The following DLC1 variants were observed in gnomAD, a reference collection of about 807,000 sequenced individuals.
DLC1 encodes the protein DLC1 Rho GTPase activating protein.
In DLC1, 54 loss-of-function variants were observed where a neutral mutation model predicts 140.3. The ratio of observed to expected loss-of-function variants is 0.38; its 90% confidence interval spans 0.31 to 0.48. DLC1 has a LOEUF of 0.48. Among genes scored for constraint, DLC1 ranks in the 20% least tolerant of loss-of-function variants. The pLI, the probability that DLC1 is intolerant of heterozygous loss-of-function variation, is 0.96. For synonymous variants in DLC1, 986 were observed against 728.1 expected, an observed-to-expected ratio of 1.35 and a Z score of -5.70; for missense variants, 2,536 against 1,907.0, an observed-to-expected ratio of 1.33 and a Z score of -6.14.
At position 13,267,492 on chromosome 8, in the gene DLC1, C is replaced by G. The variant is rs1408777667; in HGVS notation, c.1348+37777G>C. Among the ~76,000 whole-genome samples the G allele has an allele frequency of 2.6e-5, 4 of 152,190 alleles. No individual in the cohort carries two copies. In the East Asian group the frequency reaches 5.8e-4, roughly 22 times the overall value. ...ATTAGAGATGATGGATCATGATAAA[C>G]TGAACCACACTGAATGCTGAGTCAG... On this transcript the variant is annotated intron_variant, in intron 5 of 17. Coordinates refer to ENST00000276297, the MANE Select transcript of DLC1 (RefSeq NM_182643.3).
chr8:13,499,579 C>T lies in DLC1; in HGVS notation c.493G>A (p.Gly165Arg), dbSNP rs1343321465. 1.9e-6 allele frequency: 3 copies of T among 1,613,988 alleles called. No homozygotes were observed. Among genetic ancestry groups the T allele is most frequent in the African/African-American group, 1.3e-5 (1 of 74,904 alleles). Reference protein sequence around the residue: ...QSNQVSSNSWGIAGETELALV... With the variant: ...QSNQVSSNSWRIAGETELALV... The stretch of plus-strand genomic sequence containing the variant: ...GCTAATTCAGTTTCACCAGCTATTC[C>T]CCAGGAGTTAGAAGAAACTTGGTTA... Residue 165 changes from glycine (G) to arginine (R), a missense_variant, in exon 2 of 18, where the codon GGA becomes AGA. Gly to Arg is a moderately radical substitution (Grantham distance 125, BLOSUM62 -2). Transcript: ENST00000276297.
intron 7 of DLC1, among the ~76,000 whole-genome samples, chr8:13,107,864 G>A (rs642691): frequency 0.1 from 15,937 of 151,974 alleles, 2,305 homozygotes; most frequent in African/African-American, 0.32. Flanking sequence ...CCAGTATGGT[G>A]AAACCCCATC....
At chr8:13,480,875 G>A (rs1206742634) in intron 2 of DLC1, among the ~76,000 whole-genome samples, 1 of 152,160 alleles carries the variant, frequency 6.6e-6, no homozygotes, top group African/African-American at 2.4e-5. Flanking sequence ...TTGCACTGCA[G>A]CCTGGGCAAC....
rs555406371 is a variant in DLC1 at position 13,306,283 on chromosome 8, A to G, written c.1315-981T>C. The stretch of plus-strand genomic sequence containing the variant: ...GGGTTCAGAATGAGATCTTTCCAAG[A>G]ACTTAAAGCTTAACTGTCTAGTTCT... On this transcript the variant is annotated intron_variant, in intron 4 of 17. Coordinates refer to ENST00000276297, the MANE Select transcript of DLC1 (RefSeq NM_182643.3). Among the ~76,000 whole-genome samples, 7 of 152,314 alleles carry G rather than the reference A, an allele frequency of 4.6e-5. No homozygotes were observed. The South Asian group carries it at 1.5e-3, about 32-fold the overall frequency.
chr8:13,254,678 C>G (rs111612174), intron 5 of DLC1, among the ~76,000 whole-genome samples: 1 of 119,846 alleles, frequency 8.3e-6, no homozygotes, highest in East Asian at 2.8e-4. Context: ...TAAAGAATGA[C>G]AGAAAGATCC....
intron 2 of DLC1, among the ~76,000 whole-genome samples, chr8:13,453,408 A>ATATATATATATATATATATATATGTGTG (rs1563359524): frequency 2.1e-4 from 11 of 52,324 alleles, no homozygotes; most frequent in Admixed American, 2.0e-3. Context: ...ATATGTGTAT[A>ATATATATATATATATATATATATGTGTG]TATATATATA....
intron 2 of DLC1, among the ~76,000 whole-genome samples, chr8:13,490,926 A>G (rs919398205): frequency 1.3e-5 from 2 of 150,704 alleles, no homozygotes; most frequent in Non-Finnish European, 3.0e-5. Context: ...TCCCAATAAT[A>G]TCTGGAACAA....
chr8:13,568,773 A>T (rs1191761319), intron 1 of DLC1, among the ~76,000 whole-genome samples: 1 of 152,262 alleles, frequency 6.6e-6, no homozygotes, highest in East Asian at 1.9e-4. Context: ...GTCTAACCAC[A>T]TCAATCAACA....
chr8:13,412,931 C>CAAAA (rs771025112), intron 2 of DLC1, among the ~76,000 whole-genome samples: 7 of 93,960 alleles, frequency 7.4e-5, no homozygotes, highest in Admixed American at 1.3e-4. Flanking sequence ...GACTCCATCT[C>CAAAA]AAAAAAAAAA....
intron 5 of DLC1, among the ~76,000 whole-genome samples, chr8:13,144,132 T>C (rs1446098879): frequency 6.6e-6 from 1 of 152,194 alleles, no homozygotes; most frequent in Non-Finnish European, 1.5e-5. Flanking sequence ...GAAAGATCTC[T>C]CACCCAATTT....
At chr8:13,403,869 G>C (rs912772654) in intron 2 of DLC1, among the ~76,000 whole-genome samples, 2 of 134,906 alleles carry the variant, frequency 1.5e-5, no homozygotes, top group African/African-American at 2.8e-5. Flanking sequence ...ATGTTGCCCA[G>C]GCTGGTCTCA....
intron 5 of DLC1, chr8:13,116,066 C>A (rs2410025): frequency 0.8 from 714,675 of 897,048 alleles, 291,085 homozygotes; most frequent in East Asian, 0.9. Flanking sequence ...ACCTCCACCA[C>A]CACGCTAAAA....
chr8:13,343,580 G>C (rs1309653284), intron 4 of DLC1, among the ~76,000 whole-genome samples: 1 of 152,180 alleles, frequency 6.6e-6, no homozygotes, highest in Non-Finnish European at 1.5e-5. Flanking sequence ...TTGTACAGCA[G>C]ATATTGTTGT....
intron 2 of DLC1, among the ~76,000 whole-genome samples, chr8:13,481,609 G>A (rs1563385269): frequency 6.6e-6 from 1 of 152,190 alleles, no homozygotes; most frequent in Non-Finnish European, 1.5e-5. Flanking sequence ...TAGAATGTAA[G>A]TTTCTGATAG....
intron 5 of DLC1, among the ~76,000 whole-genome samples, chr8:13,250,447 A>G (rs1829953068): frequency 6.6e-6 from 1 of 152,114 alleles, no homozygotes; most frequent in Admixed American, 6.6e-5. Flanking sequence ...AAATTTATAA[A>G]CCCTTAAAGG....
chr8:13,165,464 A>T (rs566795960), intron 5 of DLC1, among the ~76,000 whole-genome samples: 7 of 152,334 alleles, frequency 4.6e-5, no homozygotes, highest in African/African-American at 1.7e-4. Flanking sequence ...TGAGCTTCAC[A>T]TAAAGTGCTC....
chr8:13,473,480 C>T (rs1158905544), intron 2 of DLC1, among the ~76,000 whole-genome samples: 1 of 152,024 alleles, frequency 6.6e-6, no homozygotes, highest in Non-Finnish European at 1.5e-5. Flanking sequence ...TAAATTGGTA[C>T]CAGTAGAGCG....
rs1390717295 is a variant in DLC1 at position 13,276,479 on chromosome 8, G to T, written c.1348+28790C>A. The T allele has an allele frequency of 1.4e-5, 18 of 1,332,866 alleles. 1 individual carries two copies. Among genetic ancestry groups the T allele is most frequent in the African/African-American group, 1.2e-4 (8 of 64,864 alleles). The allele number at this position is 1,332,866 out of a possible 1,614,324, so 82.6% of individuals were successfully genotyped here. ...TCCGCCCCGCGCTGTGCTCCCGGCC[G>T]CAGGCTGTCGCCTGCCTTCAGGAGG... On this transcript the variant is annotated intron_variant, in intron 5 of 17. Transcript: ENST00000276297.
chr8:13,298,840 G>A (rs1000366763), intron 5 of DLC1, among the ~76,000 whole-genome samples: 3 of 152,078 alleles, frequency 2.0e-5, no homozygotes, highest in African/African-American at 4.8e-5. Context: ...CAACAAATCT[G>A]CACTTGTACC....
Sources: allele counts gnomAD v4.1 joint callset (sites outside exome capture counted in the v4.1 genomes callset), GRCh38; gene constraint gnomAD v4.1.1; transcripts MANE v1.5; gene names NCBI Gene and HGNC (gene_info 2026-07-23, HGNC 2026-07-21).